DAAM2: variants seen among roughly 807,000 people sequenced by gnomAD.
DAAM2 encodes the protein disheveled-associated activator of morphogenesis 2.
Under a neutral mutation model 120.7 loss-of-function variants are expected in DAAM2, and 39 were observed. The ratio of observed to expected loss-of-function variants is 0.32; its 90% CI spans 0.25 to 0.42. The LOEUF is 0.42. DAAM2 is among the 10% of genes least tolerant of loss of function. The pLI, the probability that DAAM2 is intolerant of heterozygous loss-of-function variation, is 1.00. For synonymous variants in DAAM2, 488 were observed against 524.9 expected (o/e 0.93, Z 0.96); for missense variants, 1,283 against 1,401.7 (o/e 0.92, Z 1.35).
chr6:39,801,908 A>G (rs1392748704), intron 1 of DAAM2, among the ~76,000 whole-genome samples: 1 of 152,210 alleles, frequency 6.6e-6, no homozygotes, highest in African/African-American at 2.4e-5. Context: ...AAGTGATTCC[A>G]GGTCAGTGGG....
At chr6:39,891,853 C>A in intron 19 of DAAM2, 131 bp downstream of exon 19, 1 of 701,024 alleles carries the variant, frequency 1.4e-6, no homozygotes, top group Non-Finnish European at 2.4e-6. Context: ...AACAAAAAGT[C>A]AAAGACAAAA....
chr6:39,797,132 T>C (rs1178194749), intron 1 of DAAM2, among the ~76,000 whole-genome samples: 1 of 152,166 alleles, frequency 6.6e-6, no homozygotes. Flanking sequence ...CAGCCCCATG[T>C]GACCCTCTAT....
chr6:39,856,336 G>A lies in DAAM2; in HGVS notation c.34G>A (p.Gly12Ser). The A allele has an allele frequency of 6.4e-7, 1 of 1,551,564 alleles. No homozygotes were observed. Among genetic ancestry groups the A allele is most frequent in the Non-Finnish European group, 8.7e-7 (1 of 1,148,836 alleles). The part of the protein sequence containing the change: ...APRKRSHHGL[G>S]FLCCFGGSDI... ...CCGCAAGAGGAGCCACCATGGCCTGGGCTTCCTGTGCTGCTTCGGGGGCAG... is the reference window on the plus strand; with the variant it reads ...CCGCAAGAGGAGCCACCATGGCCTGAGCTTCCTGTGCTGCTTCGGGGGCAG... Residue 12 changes from glycine to serine, a missense_variant, in exon 2 of 25, where the codon GGC becomes AGC. Physicochemically the swap from Gly to Ser is moderately conservative, Grantham distance 56. Coordinates refer to ENST00000274867, the MANE Select transcript of DAAM2 (RefSeq NM_001201427.2).
At chr6:39,884,169 TCCTTCCTTC>T (rs1765266909) in intron 15 of DAAM2, 100 bp downstream of exon 15, 1 of 670,592 alleles carries the variant, frequency 1.5e-6, no homozygotes, top group Non-Finnish European at 2.7e-6. Context: ...TCCTTTCCTT[TCCTTCCTTC>T]CCTTCCTCCA....
At position 39,869,666 on chromosome 6, in the gene DAAM2, T is replaced by C. The variant is rs139109992; in HGVS notation, c.874-674T>C. 3.0e-3 allele frequency among the ~76,000 whole-genome samples: 447 copies of C among 151,502 alleles called. 4 individuals carry two copies. The highest frequency in any genetic ancestry group is 0.01 in the African/African-American group (426 of 41,304). ...CGTTCCAAATTCTAAGGCAATCAGA[T>C]GCCCTGGTCAAGGTTAACTTGAAGG... On this transcript the variant is annotated intron_variant, in intron 7 of 24. Transcript: ENST00000274867.
intron 2 of DAAM2, among the ~76,000 whole-genome samples, chr6:39,858,390 G>C (rs1582685707): frequency 6.6e-6 from 1 of 152,292 alleles, no homozygotes; most frequent in South Asian, 2.1e-4. Context: ...TGAGGATGGA[G>C]AGAAGTGGAC....
Position 39,877,068 on chromosome 6 carries a change from C to T in DAAM2, c.1302-1135C>T, listed in dbSNP as rs556048237. ...CAAGATTTTTGTTCCAGCTGGCTGG[C>T]TGCTTCCAGCTCTTCCATCTGTCCC... On this transcript the variant is annotated intron_variant, in intron 11 of 24. Coordinates refer to ENST00000274867, the MANE Select transcript of DAAM2 (RefSeq NM_001201427.2). Among the ~76,000 whole-genome samples, 3 of 152,372 alleles carry T rather than the reference C, an allele frequency of 2.0e-5. No individual in the cohort carries two copies. In the South Asian group the frequency reaches 6.2e-4, roughly 32 times the overall value.
chr6:39,874,879 C>T (rs986980062), intron 10 of DAAM2, among the ~76,000 whole-genome samples: 2 of 152,164 alleles, frequency 1.3e-5, no homozygotes, highest in South Asian at 4.1e-4. Context: ...CAATCAGTTT[C>T]CCTTCATCTT....
intron 2 of DAAM2, among the ~76,000 whole-genome samples, chr6:39,857,246 A>G (rs1352680214): frequency 6.6e-6 from 1 of 152,254 alleles, no homozygotes; most frequent in Admixed American, 6.5e-5. Context: ...GTAAAGAGCC[A>G]TAAGTACATG....
chr6:39,875,270 G>T, intron 10 of DAAM2, 60 bp from the exon 11 acceptor site: 1 of 1,572,210 alleles, frequency 6.4e-7, no homozygotes. Context: ...AGCAACTCTA[G>T]GGTGGGGCCC....
chr6:39,890,155 C>T (rs3008812), intron 17 of DAAM2, among the ~76,000 whole-genome samples: 91,378 of 151,792 alleles, frequency 0.6, 27,783 homozygotes, highest in East Asian at 0.82. Context: ...CATTAAAAGA[C>T]ACTGTTCATT....
chr6:39,797,954 T>C (rs1401863385), intron 1 of DAAM2, among the ~76,000 whole-genome samples: 1 of 152,236 alleles, frequency 6.6e-6, no homozygotes, highest in Non-Finnish European at 1.5e-5. Flanking sequence ...TAAAGTTTTA[T>C]TGGAACACAG....
chr6:39,861,007 G>A lies in DAAM2; in HGVS notation c.248G>A (p.Ser83Asn), dbSNP rs1057251951. The A allele has an allele frequency of 6.2e-6, 10 of 1,610,448 alleles. No homozygotes were observed. The highest frequency in any genetic ancestry group is 2.7e-5 in the African/African-American group (2 of 74,872). ...PPEKKWQIYC[S>N]KKKEQEDPNK... ...GAGAAGAAATGGCAGATCTACTGCA[G>A]CAAGAAGAAGGTGCCCTCTCTGACC... The change falls in exon 3 of 25, where the codon AGC becomes AAC. Residue 83 changes from serine (S) to asparagine (N), a missense_variant. Physicochemically the swap from Ser to Asn is conservative, Grantham distance 46 (BLOSUM62 1). Transcript: ENST00000274867.
rs80309135 is a variant in DAAM2, at chr6:39,838,029, C to T, written c.-56-18218C>T. 4.8e-3 allele frequency among the ~76,000 whole-genome samples: 734 copies of T among 152,338 alleles called. 8 individuals carry two copies. Among genetic ancestry groups the T allele is most frequent in the African/African-American group, 0.016 (661 of 41,584 alleles). On this transcript the variant is annotated intron_variant, in intron 1 of 24. Coordinates refer to ENST00000274867, the MANE Select transcript of DAAM2 (RefSeq NM_001201427.2). ...AGATAATTCCCTAATCACCACTTCA[C>T]TCAAGTCAGTCCACACGGATGCTTC...
intron 19 of DAAM2, among the ~76,000 whole-genome samples, chr6:39,892,244 G>A (rs956270078): frequency 2.6e-5 from 4 of 152,230 alleles, no homozygotes; most frequent in Non-Finnish European, 2.9e-5. Context: ...GTAGTTCAAT[G>A]AGAACCATGC....
chr6:39,855,123 G>C (rs960188903), intron 1 of DAAM2, among the ~76,000 whole-genome samples: 1 of 152,230 alleles, frequency 6.6e-6, no homozygotes, highest in African/African-American at 2.4e-5. Context: ...AGATCTATAA[G>C]TATGGGATGG....
Position 39,798,831 on chromosome 6 carries a change from C to T in DAAM2, c.-57+6366C>T, listed in dbSNP as rs1331716799. Among the ~76,000 whole-genome samples, 5 of 151,634 alleles carry T rather than the reference C, an allele frequency of 3.3e-5. No homozygotes were observed. In the East Asian group the frequency reaches 9.6e-4, roughly 29 times the overall value. On this transcript the variant is annotated intron_variant, in intron 1 of 24. Transcript: ENST00000274867. Reference sequence around the variant, plus strand: ...ACAAGGCTCATTCCAACCCCCTTTTCCTCCTTATTCCCTTGAACCTGGCAC... The same window carrying T: ...ACAAGGCTCATTCCAACCCCCTTTTTCTCCTTATTCCCTTGAACCTGGCAC...
intron 14 of DAAM2, among the ~76,000 whole-genome samples, chr6:39,880,636 C>T (rs554988474): frequency 6.6e-6 from 1 of 151,110 alleles, no homozygotes; most frequent in Admixed American, 6.6e-5. Flanking sequence ...CTCTGTAAAT[C>T]ACTCAACTTG....
intron 19 of DAAM2, among the ~76,000 whole-genome samples, chr6:39,894,957 A>G (rs1266764914): frequency 6.6e-6 from 1 of 152,132 alleles, no homozygotes; most frequent in Non-Finnish European, 1.5e-5. Flanking sequence ...TAGAGTATGA[A>G]TAATTTTAGG....
Sources: gnomAD v4.1 joint callset for allele counts (sites outside exome capture counted in the v4.1 genomes callset) on GRCh38, gnomAD v4.1.1 for gene constraint, MANE v1.5 for transcripts, NCBI Gene and HGNC (gene_info 2026-07-23, HGNC 2026-07-21) for gene names.